Variants in MBOAT2 observed in about 807,000 individuals in gnomAD.
MBOAT2 encodes the protein membrane-bound glycerophospholipid O-acyltransferase 2.
Under a neutral mutation model 63.4 loss-of-function variants are expected in MBOAT2, and 28 were observed. The ratio of observed to expected loss-of-function variants is 0.44; its 90% confidence interval spans 0.33 to 0.61. MBOAT2 has a LOEUF of 0.61. Ranked by LOEUF, MBOAT2 falls within the 20% of genes least tolerant of loss-of-function variation. The pLI, the probability that MBOAT2 is intolerant of heterozygous loss-of-function variation, is 0.03. For synonymous variants in MBOAT2, 211 were observed against 215.6 expected, an observed-to-expected ratio of 0.98 and a Z score of 0.19; for missense variants, 470 against 605.8, an observed-to-expected ratio of 0.78 and a Z score of 2.35.
rs1660979392 is a variant in MBOAT2 at position 8,854,804 on chromosome 2, T to G, written c.*3875A>C. The G allele has an allele frequency of 6.6e-6, 1 of 152,208 alleles. No individual in the cohort carries two copies. Among genetic ancestry groups the G allele is most frequent in the African/African-American group, 2.4e-5 (1 of 41,454 alleles). 9.4% of individuals were successfully genotyped at this position (152,208 alleles called of 1,614,324 possible). A position where few individuals can be genotyped will look rare whatever the true frequency, so the allele number is the denominator to read the frequency against. On this transcript the variant is annotated 3_prime_UTR_variant, in exon 13 of 13. Transcript: ENST00000305997. ...TATAATTATTTTAATGGCAAAAATT[T>G]TAAAGCTATTGTTTTCTGCGGTTTA...
intron 1 of MBOAT2, among the ~76,000 whole-genome samples, chr2:8,960,810 T>C (rs961269296): frequency 1.3e-5 from 2 of 152,086 alleles, no homozygotes; most frequent in African/African-American, 2.4e-5. Context: ...AAAATATGTA[T>C]AAAAAATAAA....
intron 4 of MBOAT2, among the ~76,000 whole-genome samples, chr2:8,907,095 TAATTA>T (rs958541227): frequency 1.3e-5 from 2 of 152,178 alleles, no homozygotes; most frequent in Admixed American, 1.3e-4. Context: ...TAAACTAAAT[TAATTA>T]AAAGTATGCT....
At chr2:8,985,901 A>T (rs1671530542) in intron 1 of MBOAT2, among the ~76,000 whole-genome samples, 1 of 152,184 alleles carries the variant, frequency 6.6e-6, no homozygotes. Flanking sequence ...ACCCCTATGC[A>T]TAGGCTGCTC....
At chr2:8,968,219 AGCAATATTTGCTGTTCT>A (rs1365809592) in intron 1 of MBOAT2, among the ~76,000 whole-genome samples, 1 of 152,208 alleles carries the variant, frequency 6.6e-6, no homozygotes, top group East Asian at 1.9e-4. Context: ...TTTGCTGTTC[AGCAATATTTGCTGTTCT>A]GCAGCCTCTG....
At chr2:8,972,595 G>C (rs527817189) in intron 1 of MBOAT2, among the ~76,000 whole-genome samples, 1 of 152,178 alleles carries the variant, frequency 6.6e-6, no homozygotes, top group East Asian at 1.9e-4. Flanking sequence ...TACAGGATGG[G>C]AGAAAATTTT....
chr2:8,949,741 C>T (rs1668683272), intron 2 of MBOAT2, among the ~76,000 whole-genome samples: 1 of 152,084 alleles, frequency 6.6e-6, no homozygotes, highest in Non-Finnish European at 1.5e-5. Flanking sequence ...GTTACTGCAT[C>T]CTTATAGTAT....
At chr2:8,955,875 T>A (rs747978031) in intron 2 of MBOAT2, among the ~76,000 whole-genome samples, 2 of 152,180 alleles carry the variant, frequency 1.3e-5, no homozygotes, top group Non-Finnish European at 2.9e-5. Context: ...GCCATCAACA[T>A]CAAAGCAAGA....
At chr2:8,931,802 A>C (rs1333733461) in intron 3 of MBOAT2, among the ~76,000 whole-genome samples, 1 of 152,144 alleles carries the variant, frequency 6.6e-6, no homozygotes, top group Non-Finnish European at 1.5e-5. Context: ...TTTTTTGCAC[A>C]TGGCTAGCCT....
At chr2:8,962,995 C>T (rs1362943045) in intron 1 of MBOAT2, among the ~76,000 whole-genome samples, 1 of 152,122 alleles carries the variant, frequency 6.6e-6, no homozygotes, top group Admixed American at 6.5e-5. Context: ...ACAATCCCAA[C>T]ACTTTGGGAG....
At chr2:8,929,963 G>C (rs1667203421) in intron 3 of MBOAT2, among the ~76,000 whole-genome samples, 2 of 152,106 alleles carry the variant, frequency 1.3e-5, no homozygotes, top group African/African-American at 4.8e-5. Context: ...AAATTTTGTT[G>C]TAAGCTTCCC....
rs145966725 is a variant in MBOAT2 at position 8,883,575 on chromosome 2, C to A, written c.452-1010G>T. On this transcript the variant is annotated intron_variant, in intron 5 of 12. Transcript: ENST00000305997. Reference sequence around the variant, plus strand: ...TTCTATGCACTGAGGAAAGAGCAGACGAAAAACAAACTCCCTGCTTTTATA... The same window carrying A: ...TTCTATGCACTGAGGAAAGAGCAGAAGAAAAACAAACTCCCTGCTTTTATA... Among the ~76,000 whole-genome samples, 579 of 152,138 alleles carry A rather than the reference C, an allele frequency of 3.8e-3. 2 individuals are homozygous for A. The highest frequency in any genetic ancestry group is 3.7e-3 in the Admixed American group (56 of 15,284).
At chr2:8,882,673 T>G in intron 5 of MBOAT2, 108 bp from the exon 6 acceptor site, 2 of 956,228 alleles carry the variant, frequency 2.1e-6, no homozygotes, top group South Asian at 2.8e-5. Flanking sequence ...TGCTATTATA[T>G]TCCTAATTTT....
intron 3 of MBOAT2, among the ~76,000 whole-genome samples, chr2:8,936,608 C>T (rs948633869): frequency 2.6e-5 from 4 of 151,486 alleles, no homozygotes; most frequent in Admixed American, 2.6e-4. Context: ...ATGGTGAAAC[C>T]CCGTCTCTAC....
At chr2:8,976,695 G>A (rs577256506) in intron 1 of MBOAT2, among the ~76,000 whole-genome samples, 3 of 152,230 alleles carry the variant, frequency 2.0e-5, no homozygotes, top group African/African-American at 7.2e-5. Flanking sequence ...GTGTCTCCCT[G>A]TGTGTGCACA....
Position 9,003,519 on chromosome 2 carries a change from C to G in MBOAT2, c.75+21G>C. 8.4e-7 allele frequency: 1 copy of G among 1,188,934 alleles called. No individual in the cohort carries two copies. The highest frequency in any genetic ancestry group is 1.0e-6 in the Non-Finnish European group (1 of 960,468). 73.6% of individuals were successfully genotyped at this position (1,188,934 alleles called of 1,614,324 possible). ...GGGGCGGCGAGGGCGCGACGCCCGG[C>G]GCCAGGGCGCCTCGGGGTACCTGGT... On this transcript the variant is annotated intron_variant, in intron 1 of 12. Transcript: ENST00000305997. This position sits in a 1 kb window ranked among gnomAD's most constrained non-coding sequence, Gnocchi z 5.4.
At chr2:8,978,124 C>T (rs939609855) in intron 1 of MBOAT2, among the ~76,000 whole-genome samples, 5 of 152,100 alleles carry the variant, frequency 3.3e-5, no homozygotes. Flanking sequence ...ATCTCCGCTC[C>T]TTACTCTGCC....
chr2:8,861,555 T>C (rs867670461), intron 11 of MBOAT2, among the ~76,000 whole-genome samples: 4 of 152,208 alleles, frequency 2.6e-5, no homozygotes, highest in African/African-American at 9.6e-5. Flanking sequence ...AGGCAAGAGA[T>C]AGCAGAGCCT....
intron 10 of MBOAT2, among the ~76,000 whole-genome samples, chr2:8,863,535 C>T (rs771608302): frequency 6.6e-5 from 10 of 152,106 alleles, no homozygotes; most frequent in East Asian, 5.8e-4. Flanking sequence ...TCACGAGACA[C>T]GCTCCTGACA....
chr2:8,900,390 T>G (rs1357564690), intron 4 of MBOAT2, among the ~76,000 whole-genome samples: 2 of 152,192 alleles, frequency 1.3e-5, no homozygotes, highest in African/African-American at 4.8e-5. Flanking sequence ...TCTCTCCAAG[T>G]GAGCTCAAAG....
Sources: gnomAD v4.1 joint callset for allele counts (sites outside exome capture counted in the v4.1 genomes callset) on GRCh38, gnomAD v4.1.1 for gene constraint, Gnocchi (gnomAD v3.1) non-coding constraint, MANE v1.5 for transcripts, NCBI Gene and HGNC (gene_info 2026-07-23, HGNC 2026-07-21) for gene names.